SLC24A2: variants seen among roughly 807,000 people sequenced by gnomAD.
The protein encoded by SLC24A2 is solute carrier family 24 member 2.
Under a neutral mutation model 62.0 loss-of-function variants are expected in SLC24A2, and 36 were observed. The observed-to-expected ratio is 0.58, with a 90% CI of 0.44 to 0.77. SLC24A2 has a LOEUF of 0.77. Ranked by LOEUF, SLC24A2 falls within the 30% of genes least tolerant of loss-of-function variation. The pLI is 0.00. For synonymous variants in SLC24A2, 358 were observed against 294.0 expected, an observed-to-expected ratio of 1.22 and a Z score of -2.23; for missense variants, 846 against 817.9, an observed-to-expected ratio of 1.03 and a Z score of -0.42.
the SLC24A2 span, among the ~76,000 whole-genome samples, chr9:19,996,573 C>G: frequency 6.6e-6 from 1 of 151,780 alleles, no homozygotes; most frequent in South Asian, 2.1e-4. Context: ...AATCCTGTCT[C>G]TACTAAAAAA....
the SLC24A2 span, among the ~76,000 whole-genome samples, chr9:20,134,750 C>T: frequency 1.3e-5 from 2 of 152,110 alleles, no homozygotes; most frequent in Non-Finnish European, 2.9e-5. Flanking sequence ...GCACCTGGGC[C>T]ACTAAACAGT....
At chr9:19,636,315 T>TTTTCTTTTCCTTTCTTTCTTTCTTTC in intron 2 of SLC24A2, among the ~76,000 whole-genome samples, 1 of 40,328 alleles carries the variant, frequency 2.5e-5, no homozygotes, top group South Asian at 9.6e-4. Flanking sequence ...TTTTCTTTTC[T>TTTTCTTTTCCTTTCTTTCTTTCTTTC]TTTCTTTCTT....
In SLC24A2 at chr9:19,786,585, A is replaced by G; in HGVS notation, c.282T>C (p.Ile94=). 2 of 1,614,138 alleles carry G rather than the reference A, an allele frequency of 1.2e-6. No individual in the cohort carries two copies. The highest frequency in any genetic ancestry group is 1.7e-6 in the Non-Finnish European group (2 of 1,180,016). The part of the protein sequence containing the change: ...QRTLLDLNDK[I]LDYTPQPPLS... The stretch of plus-strand genomic sequence containing the variant: ...GAGGTGGCTGTGGAGTATAATCCAG[A>G]ATCTTGTCATTTAAATCTAAGAGAG... Residue 94 remains isoleucine, a synonymous_variant, in exon 2 of 11, where the codon ATT becomes ATC. Coordinates refer to ENST00000341998, the MANE Select transcript of SLC24A2 (RefSeq NM_020344.4). This position sits in a 1 kb window ranked among gnomAD's most constrained non-coding sequence, Gnocchi z 5.0.
chr9:20,025,570 C>G, the SLC24A2 span, among the ~76,000 whole-genome samples: 12 of 152,144 alleles, frequency 7.9e-5, no homozygotes, highest in African/African-American at 2.9e-4. Flanking sequence ...ATTGCCCACA[C>G]TTATTAATCA....
At chr9:19,517,924 C>T (rs914091487) in intron 10 of SLC24A2, among the ~76,000 whole-genome samples, 16 of 139,284 alleles carry the variant, frequency 1.1e-4, no homozygotes, top group African/African-American at 4.6e-4. Context: ...CACACACACA[C>T]ACACACACAC....
At chr9:19,833,496 G>C in the SLC24A2 span, among the ~76,000 whole-genome samples, 1 of 152,212 alleles carries the variant, frequency 6.6e-6, no homozygotes, top group Non-Finnish European at 1.5e-5. Context: ...AGCAGTCTGA[G>C]ATCAAACTGC....
At chr9:20,211,799 T>G in the SLC24A2 span, among the ~76,000 whole-genome samples, 1 of 152,178 alleles carries the variant, frequency 6.6e-6, no homozygotes, top group Non-Finnish European at 1.5e-5. Context: ...CTATATGTCT[T>G]AAATAAGGAG....
chr9:20,270,174 T>G, the SLC24A2 span, among the ~76,000 whole-genome samples: 2 of 152,082 alleles, frequency 1.3e-5, no homozygotes, highest in African/African-American at 4.8e-5. Context: ...ACCAACCTAT[T>G]CATAAGGGAT....
At chr9:19,597,443 C>T (rs1836731597) in intron 4 of SLC24A2, among the ~76,000 whole-genome samples, 164 bp from the exon 5 acceptor site, 1 of 152,194 alleles carries the variant, frequency 6.6e-6, no homozygotes, top group Admixed American at 6.5e-5. Context: ...AGACAGCTTT[C>T]ACGGCCCATT....
intron 2 of SLC24A2, among the ~76,000 whole-genome samples, chr9:19,730,060 T>G (rs1175164218): frequency 2.6e-5 from 4 of 152,104 alleles, no homozygotes; most frequent in African/African-American, 7.2e-5. Context: ...TTTAAATGAA[T>G]GAATGCCAGG....
At chr9:19,623,724 A>C (rs1817965305) in intron 2 of SLC24A2, among the ~76,000 whole-genome samples, 1 of 152,216 alleles carries the variant, frequency 6.6e-6, no homozygotes, top group African/African-American at 2.4e-5. Flanking sequence ...TCAATTAGAC[A>C]TTTAATAATT....
the SLC24A2 span, among the ~76,000 whole-genome samples, chr9:20,020,435 G>A: frequency 2.2e-4 from 33 of 152,142 alleles, 1 homozygote; most frequent in Admixed American, 2.2e-3. Context: ...CATGGATGAA[G>A]CTGGAAACTA....
chr9:19,816,433 G>T, the SLC24A2 span, among the ~76,000 whole-genome samples: 2 of 152,120 alleles, frequency 1.3e-5, no homozygotes, highest in African/African-American at 4.8e-5. Context: ...TGAGAAATGG[G>T]ACTCCTGAAT....
intron 10 of SLC24A2, among the ~76,000 whole-genome samples, chr9:19,517,314 AC>A (rs1832980604): frequency 6.6e-6 from 1 of 152,176 alleles, no homozygotes; most frequent in Non-Finnish European, 1.5e-5. Context: ...CTAAGGAGAT[AC>A]CTGCTTGGCT....
At chr9:20,188,551 C>T in the SLC24A2 span, among the ~76,000 whole-genome samples, 1 of 152,008 alleles carries the variant, frequency 6.6e-6, no homozygotes, top group Non-Finnish European at 1.5e-5. Context: ...GTGAAAAGGG[C>T]TTGAAAATTT....
chr9:19,550,051 C>T, intron 8 of SLC24A2, 86 bp downstream of exon 8: 3 of 1,411,440 alleles, frequency 2.1e-6, no homozygotes, highest in South Asian at 1.2e-5. Flanking sequence ...TTCCTTTTTC[C>T]TTTTAACACA....
intron 4 of SLC24A2, among the ~76,000 whole-genome samples, chr9:19,609,497 C>T (rs1302752131): frequency 2.0e-5 from 3 of 152,302 alleles, no homozygotes; most frequent in Admixed American, 2.0e-4. Context: ...GACACTAGGA[C>T]TGGGATTGAG....
chr9:19,632,994 C>T lies in SLC24A2; in HGVS notation c.931-10695G>A, dbSNP rs915873371. On this transcript the variant is annotated intron_variant, in intron 2 of 10. Coordinates refer to ENST00000341998, the MANE Select transcript of SLC24A2 (RefSeq NM_020344.4). This position sits in a 1 kb window ranked among gnomAD's most constrained non-coding sequence, Gnocchi z 4.5. The stretch of plus-strand genomic sequence containing the variant: ...CATTCCCACACCTGCCTGCTAATCC[C>T]TGGCAACCACTATTCTGTTATCAAT... Among the ~76,000 whole-genome samples the T allele has an allele frequency of 2.6e-5, 4 of 152,186 alleles. No individual in the cohort carries two copies. Among genetic ancestry groups the T allele is most frequent in the African/African-American group, 9.6e-5 (4 of 41,456 alleles).
the SLC24A2 span, among the ~76,000 whole-genome samples, chr9:20,213,273 A>T: frequency 2.6e-5 from 4 of 151,928 alleles, no homozygotes; most frequent in Non-Finnish European, 5.9e-5. Flanking sequence ...TAAAAACTGG[A>T]TTTATACATT....
Sources: allele counts gnomAD v4.1 joint callset (sites outside exome capture counted in the v4.1 genomes callset), GRCh38; gene constraint gnomAD v4.1.1; non-coding constraint Gnocchi (gnomAD v3.1); transcripts MANE v1.5; gene names NCBI Gene and HGNC (gene_info 2026-07-23, HGNC 2026-07-21).